The following ATP1A4 variants were observed in gnomAD, a reference collection of about 807,000 sequenced individuals.
The protein encoded by ATP1A4 is ATPase Na+/K+ transporting subunit alpha 4.
Under a neutral mutation model 114.3 loss-of-function variants are expected in ATP1A4, and 90 were observed. That is an observed-to-expected ratio of 0.79 (90% confidence interval 0.66 to 0.94). The LOEUF is 0.94. Ranked by LOEUF, ATP1A4 falls within the 40% of genes least tolerant of loss-of-function variation. The pLI is 0.00. For synonymous variants in ATP1A4, 511 were observed against 494.1 expected (o/e 1.03, Z -0.45); for missense variants, 1,222 against 1,313.6 (o/e 0.93, Z 1.08).
chr1:160,186,929 G>A lies in ATP1A4; in HGVS notation c.*230G>A, dbSNP rs958081648. 3.2e-5 allele frequency: 19 copies of A among 589,196 alleles called. No individual in the cohort carries two copies. The African/African-American group carries it at 3.5e-4, about 11-fold the overall frequency. The allele number at this position is 589,196 out of a possible 1,614,324, so 36.5% of individuals were successfully genotyped here. On this transcript the variant is annotated 3_prime_UTR_variant, in exon 22 of 22. Coordinates refer to ENST00000368081, the MANE Select transcript of ATP1A4 (RefSeq NM_144699.4). Reference sequence around the variant, plus strand: ...GCCCCGCAGGGAGGGGCATGGTCCTGCTGAATCCCGTAGCCAGTCTAGACA... The same window carrying A: ...GCCCCGCAGGGAGGGGCATGGTCCTACTGAATCCCGTAGCCAGTCTAGACA...
At chr1:160,186,088 A>C (rs1399219838) in intron 20 of ATP1A4, among the ~76,000 whole-genome samples, 188 bp from the exon 21 acceptor site, 2 of 140,096 alleles carry the variant, frequency 1.4e-5, no homozygotes, top group African/African-American at 5.5e-5. Flanking sequence ...CTCTGTCGCA[A>C]AAAAAAAAAA....
intron 18 of ATP1A4, among the ~76,000 whole-genome samples, chr1:160,178,438 A>G (rs1653565836): frequency 6.6e-6 from 1 of 152,082 alleles, no homozygotes; most frequent in African/African-American, 2.4e-5. Flanking sequence ...GCACTTTGGG[A>G]GGCTGAGGCA....
rs767546318 is a variant in ATP1A4, at chr1:160,173,735, C to T, written c.1991+18C>T. The T allele has an allele frequency of 4.3e-6, 7 of 1,612,404 alleles. No homozygotes were observed. The highest frequency in any genetic ancestry group is 4.0e-5 in the African/African-American group (3 of 74,894). On this transcript the variant is annotated intron_variant, in intron 13 of 21. Transcript: ENST00000368081. ...GATGCCAGGTGAGATCACTAAAGAA[C>T]TCAAGATCTGCCATGTTCCCTCCAT...
chr1:160,155,610 A>G (rs1437648420), intron 3 of ATP1A4, among the ~76,000 whole-genome samples: 1 of 152,110 alleles, frequency 6.6e-6, no homozygotes, highest in East Asian at 1.9e-4. Flanking sequence ...CTTTTAATCT[A>G]AAAAGCTTCT....
chr1:160,169,578 C>G (rs1037345959), intron 10 of ATP1A4: 1 of 152,228 alleles, frequency 6.6e-6, no homozygotes, highest in African/African-American at 2.4e-5. Flanking sequence ...GTTTTGTGCA[C>G]TGGTTTCCCA....
rs115378865 is a variant in ATP1A4, at chr1:160,156,878, C to A, written c.525+720C>A. 8.8e-3 allele frequency among the ~76,000 whole-genome samples: 1,346 copies of A among 152,182 alleles called. 27 individuals carry two copies. Among genetic ancestry groups the A allele is most frequent in the African/African-American group, 0.03 (1,261 of 41,520 alleles). Reference sequence around the variant, plus strand: ...CTGTAATCCCAACCGTTTGGGGGACCGAGGCAAGAGCACTACTTGAGTCCA... The same window carrying A: ...CTGTAATCCCAACCGTTTGGGGGACAGAGGCAAGAGCACTACTTGAGTCCA... On this transcript the variant is annotated intron_variant, in intron 4 of 21. Transcript: ENST00000368081.
chr1:160,160,315 C>G (rs1225335820), intron 6 of ATP1A4, among the ~76,000 whole-genome samples: 5 of 152,088 alleles, frequency 3.3e-5, no homozygotes, highest in African/African-American at 1.2e-4. Context: ...CTCCCAAGTT[C>G]AAGCAATTAT....
intron 1 of ATP1A4, 105 bp downstream of exon 1, chr1:160,152,292 T>A (rs1008781986): frequency 1.7e-5 from 22 of 1,277,468 alleles, no homozygotes; most frequent in Non-Finnish European, 2.2e-5. Context: ...CAGAGCCACA[T>A]CTCTTCTCTG....
chr1:160,153,154 T>C lies in ATP1A4; in HGVS notation c.148-11T>C, dbSNP rs768426927. 7.4e-6 allele frequency: 12 copies of C among 1,613,492 alleles called. No individual in the cohort carries two copies. The Admixed American group carries it at 1.8e-4, about 25-fold the overall frequency. The stretch of plus-strand genomic sequence containing the variant: ...ACCCCCTGTCCCTCAATGCCTCTAC[T>C]GTCCCCTCAGGATGATCACAAATTA... On this transcript the variant is annotated splice_polypyrimidine_tract_variant and intron_variant, in intron 1 of 21. Transcript: ENST00000368081.
chr1:160,180,761 C>T (rs1344874302), intron 18 of ATP1A4, among the ~76,000 whole-genome samples: 1 of 124,966 alleles, frequency 8.0e-6, no homozygotes, highest in African/African-American at 3.2e-5. Context: ...GTCGCCCAGG[C>T]TGGAGTGCAG....
Position 160,171,724 on chromosome 1 carries a change from T to C in ATP1A4, c.1821T>C (p.Asp607=). 1 of 1,614,194 alleles carries C rather than the reference T, an allele frequency of 6.2e-7. No homozygotes were observed. Among genetic ancestry groups the C allele is most frequent in the Non-Finnish European group, 8.5e-7 (1 of 1,180,030 alleles). ...ACCCTCCCCGAGCTGCAGTGCCTGA[T>C]GCTGTGAGCAAGTGTCGCAGTGCAG... ...MIDPPRAAVP[D]AVSKCRSAGI... The change falls in exon 12 of 22, where the codon GAT becomes GAC. Residue 607 remains aspartate (D), a synonymous_variant. Coordinates refer to ENST00000368081, the MANE Select transcript of ATP1A4 (RefSeq NM_144699.4).
intron 18 of ATP1A4, among the ~76,000 whole-genome samples, chr1:160,181,268 C>A (rs7550298): frequency 0.56 from 85,031 of 151,862 alleles, 24,152 homozygotes; most frequent in East Asian, 0.78. Flanking sequence ...AGAGTGAGGA[C>A]CTGGCCGGGC....
intron 18 of ATP1A4, among the ~76,000 whole-genome samples, chr1:160,179,575 C>A (rs1653607174): frequency 1.3e-5 from 2 of 152,196 alleles, no homozygotes; most frequent in South Asian, 4.1e-4. Context: ...GAGCCACCCA[C>A]CCGGGAAGTG....
chr1:160,174,720 G>T lies in ATP1A4; in HGVS notation c.2284G>T (p.Ala762Ser). ...CATGATCCTGCTGGATGACAACTTT[G>T]CCTCCATCGTCACGGGGGTGGAGGA... ...ADMILLDDNF[A>S]SIVTGVEEGR... The change falls in exon 15 of 22, where the codon GCC (alanine) becomes TCC (serine). Residue 762 changes from alanine (A) to serine (S), a missense_variant. Transcript: ENST00000368081. The T allele has an allele frequency of 6.2e-7, 1 of 1,614,166 alleles. No individual in the cohort carries two copies. The highest frequency in any genetic ancestry group is 8.5e-7 in the Non-Finnish European group (1 of 1,180,034).
chr1:160,156,029 CT>C lies in ATP1A4; in HGVS notation c.412-13del, dbSNP rs764134074. ...ACAAGGTCCCACTGATAAACGCTTT[CT>C]TTCCCCACCCTCAGCTCTACCTGAG... On this transcript the variant is annotated splice_polypyrimidine_tract_variant and intron_variant, in intron 3 of 21. Transcript: ENST00000368081. 6 of 1,543,706 alleles carry C rather than the reference CT, an allele frequency of 3.9e-6. No individual in the cohort carries two copies. In the Admixed American group the frequency reaches 5.0e-5, roughly 13 times the overall value.
rs1289828075 is a variant in ATP1A4 at position 160,171,639 on chromosome 1, C to G, written c.1736C>G (p.Thr579Arg). ...SSFSKGFPFN[T>R]DEINFPMDNL... ...TTCTCCAAGGGATTCCCATTTAATACAGATGAAATAAATTTCCCCATGGAC... is the reference window on the plus strand; with the variant it reads ...TTCTCCAAGGGATTCCCATTTAATAGAGATGAAATAAATTTCCCCATGGAC... The change falls in exon 12 of 22, where the codon ACA becomes AGA. Residue 579 changes from threonine to arginine, a missense_variant. Transcript: ENST00000368081. 1 of 1,614,154 alleles carries G rather than the reference C, an allele frequency of 6.2e-7. No homozygotes were observed. The highest frequency in any genetic ancestry group is 8.5e-7 in the Non-Finnish European group (1 of 1,180,026).
At chr1:160,174,374 C>T (rs1052110753) in intron 14 of ATP1A4, 113 bp downstream of exon 14, 8 of 1,462,952 alleles carry the variant, frequency 5.5e-6, no homozygotes, top group Admixed American at 4.4e-5. Context: ...CCAGAGAGTA[C>T]CCCATCTGGA....
chr1:160,186,731 G>T lies in ATP1A4; in HGVS notation c.*32G>T. The T allele has an allele frequency of 6.2e-7, 1 of 1,604,798 alleles. No homozygotes were observed. ...CAGATGAAGAGCTTCATGTGACACA[G>T]GGGTGTTGTGAGAGCTGGGATGGGG... On this transcript the variant is annotated 3_prime_UTR_variant, in exon 22 of 22. Coordinates refer to ENST00000368081, the MANE Select transcript of ATP1A4 (RefSeq NM_144699.4).
chr1:160,171,975 T>C (rs888999927), intron 12 of ATP1A4, among the ~76,000 whole-genome samples: 1 of 152,160 alleles, frequency 6.6e-6, no homozygotes, highest in African/African-American at 2.4e-5. Context: ...AAAAATCGGA[T>C]GTCTAGGACA....
Sources: gnomAD v4.1 joint callset for allele counts (sites outside exome capture counted in the v4.1 genomes callset) on GRCh38, gnomAD v4.1.1 for gene constraint, MANE v1.5 for transcripts, NCBI Gene and HGNC (gene_info 2026-07-23, HGNC 2026-07-21) for gene names.